The following EYA2 variants were observed in gnomAD, a reference collection of about 807,000 sequenced individuals.
EYA2 encodes EYA transcriptional coactivator and phosphatase 2.
In EYA2, 31 loss-of-function variants were observed where a neutral mutation model predicts 69.2. The ratio of observed to expected loss-of-function variants is 0.45; its 90% CI spans 0.34 to 0.60. The LOEUF (loss-of-function observed/expected upper bound fraction) is 0.60. Among genes scored for constraint, EYA2 ranks in the 20% least tolerant of loss-of-function variants. The probability of loss-of-function intolerance (pLI) is 0.02; values close to 1 mark genes in which losing one functional copy is unlikely to be tolerated. For missense variants in EYA2, 622 were observed against 701.2 expected, an observed-to-expected ratio of 0.89 and a Z score of 1.28; for synonymous variants, 257 against 279.4, an observed-to-expected ratio of 0.92 and a Z score of 0.80.
chr20:46,961,520 G>C (rs532048092), intron 1 of EYA2, among the ~76,000 whole-genome samples: 1 of 152,128 alleles, frequency 6.6e-6, no homozygotes, highest in Non-Finnish European at 1.5e-5. Flanking sequence ...CCACTACTGG[G>C]TATTATCCAA....
At chr20:46,924,153 TTTAAG>T (rs1321183768) in intron 1 of EYA2, among the ~76,000 whole-genome samples, 2 of 152,304 alleles carry the variant, frequency 1.3e-5, no homozygotes, top group African/African-American at 4.8e-5. Flanking sequence ...GGTATATTAA[TTTAAG>T]TTTATTTTTA....
intron 1 of EYA2, among the ~76,000 whole-genome samples, chr20:46,985,533 T>C (rs1225308277): frequency 1.3e-5 from 2 of 152,192 alleles, no homozygotes; most frequent in Non-Finnish European, 2.9e-5. Context: ...GCCAGAAGTG[T>C]CACACTGCCG....
At chr20:47,010,646 C>A (rs1422548768) in intron 4 of EYA2, among the ~76,000 whole-genome samples, 1 of 148,592 alleles carries the variant, frequency 6.7e-6, no homozygotes, top group African/African-American at 2.5e-5. Flanking sequence ...AAAGTAGTTA[C>A]ATATTTATTT....
chr20:46,917,464 C>G (rs1984961101), intron 1 of EYA2, among the ~76,000 whole-genome samples: 1 of 152,172 alleles, frequency 6.6e-6, no homozygotes, highest in South Asian at 2.1e-4. Context: ...TGCCAAACAC[C>G]AATACGTGGG....
intron 9 of EYA2, among the ~76,000 whole-genome samples, chr20:47,127,110 A>T (rs1001162662): frequency 8.8e-5 from 3 of 34,180 alleles, no homozygotes; most frequent in Non-Finnish European, 1.5e-4. Context: ...ATCTCTTATA[A>T]AAAAAAAAAG....
intron 1 of EYA2, among the ~76,000 whole-genome samples, chr20:46,960,620 C>A (rs12480223): frequency 0.35 from 53,434 of 151,744 alleles, 10,454 homozygotes; most frequent in Admixed American, 0.51. Context: ...AACCATGTCT[C>A]ATAGGCCAAA....
intron 5 of EYA2, among the ~76,000 whole-genome samples, chr20:47,038,657 A>C (rs1400109311): frequency 6.6e-6 from 1 of 152,196 alleles, no homozygotes; most frequent in Non-Finnish European, 1.5e-5. Flanking sequence ...ACCATTTTTA[A>C]TTATACAGTA....
intron 1 of EYA2, among the ~76,000 whole-genome samples, chr20:46,950,650 C>T (rs1568683241): frequency 6.6e-6 from 1 of 152,214 alleles, no homozygotes; most frequent in African/African-American, 2.4e-5. Context: ...CAAATTGCCT[C>T]TGCCGTGTTG....
intron 9 of EYA2, among the ~76,000 whole-genome samples, chr20:47,101,217 TG>T (rs1330311581): frequency 6.6e-6 from 1 of 152,224 alleles, no homozygotes; most frequent in Non-Finnish European, 1.5e-5. Context: ...CCTGAGTAGC[TG>T]GGACAACAGG....
chr20:46,964,927 A>G (rs1979684779), intron 1 of EYA2, among the ~76,000 whole-genome samples: 2 of 152,222 alleles, frequency 1.3e-5, no homozygotes, highest in Admixed American at 1.3e-4. Context: ...AGGGACGGTC[A>G]GTGAGTAATA....
chr20:46,929,531 G>A (rs1468377149), intron 1 of EYA2, among the ~76,000 whole-genome samples: 1 of 152,076 alleles, frequency 6.6e-6, no homozygotes, highest in Non-Finnish European at 1.5e-5. Flanking sequence ...CTATGAGGAG[G>A]TTGGCTCATG....
chr20:47,075,870 G>A (rs2031495653), intron 7 of EYA2, among the ~76,000 whole-genome samples: 1 of 152,260 alleles, frequency 6.6e-6, no homozygotes, highest in South Asian at 2.1e-4. Flanking sequence ...CTACCCTCAA[G>A]TAGGTCCTTG....
intron 7 of EYA2, among the ~76,000 whole-genome samples, chr20:47,082,207 A>G (rs1289617169): frequency 6.6e-6 from 1 of 152,156 alleles, no homozygotes; most frequent in African/African-American, 2.4e-5. Flanking sequence ...TTAAGAACTC[A>G]CTTTAACCCA....
At chr20:46,994,421 A>G (rs1420830229) in intron 2 of EYA2, among the ~76,000 whole-genome samples, 1 of 152,122 alleles carries the variant, frequency 6.6e-6, no homozygotes. Flanking sequence ...ATGCACATGC[A>G]TTTTTCAGAA....
intron 10 of EYA2, 59 bp downstream of exon 10, chr20:47,143,207 A>G: frequency 7.3e-7 from 1 of 1,373,310 alleles, no homozygotes; most frequent in African/African-American, 1.4e-5. Context: ...CATCTAGTTT[A>G]TGGGAAGAAG....
chr20:46,900,526 A>C (rs560840494), intron 1 of EYA2, among the ~76,000 whole-genome samples: 83 of 152,380 alleles, frequency 5.4e-4, no homozygotes, highest in African/African-American at 1.9e-3. Flanking sequence ...AGAAAATTAC[A>C]GCAAGAAGCT....
At chr20:47,142,649 C>T (rs1256847855) in intron 9 of EYA2, among the ~76,000 whole-genome samples, 3 of 152,176 alleles carry the variant, frequency 2.0e-5, no homozygotes, top group African/African-American at 7.2e-5. Context: ...CCCAACTCTC[C>T]CAGTAGTTTA....
At chr20:47,043,625 C>G (rs964893585) in intron 5 of EYA2, among the ~76,000 whole-genome samples, 3 of 152,216 alleles carry the variant, frequency 2.0e-5, no homozygotes, top group Middle Eastern at 3.2e-3. Context: ...GGACAAGTTT[C>G]TTAACCTCTC....
In EYA2 at chr20:47,015,225, A is replaced by G. The variant is rs1211475876; in HGVS notation, c.299-956A>G. Among the ~76,000 whole-genome samples the G allele has an allele frequency of 2.0e-5, 3 of 152,160 alleles. No homozygotes were observed. In the East Asian group the frequency reaches 5.8e-4, roughly 29 times the overall value. On this transcript the variant is annotated intron_variant, in intron 4 of 15. Transcript: ENST00000327619. ...CTCTTTGCTTTATGCCTTTTGTACT[A>G]TTGGAATTTTCTACAATGCATTCAT... is the stretch of plus-strand genomic sequence containing the variant.
Sources: allele counts gnomAD v4.1 joint callset (sites outside exome capture counted in the v4.1 genomes callset), GRCh38; gene constraint gnomAD v4.1.1; transcripts MANE v1.5; gene names NCBI Gene and HGNC (gene_info 2026-07-23, HGNC 2026-07-21).